CLIP1: variants seen among roughly 807,000 people sequenced by gnomAD.
CLIP1 encodes CAP-Gly domain containing linker protein 1.
A neutral mutation model predicts 161.6 loss-of-function variants in CLIP1; 66 were observed. The ratio of observed to expected loss-of-function variants is 0.41; its 90% CI spans 0.33 to 0.50. CLIP1 has a LOEUF of 0.50. CLIP1 is among the 20% of genes least tolerant of loss of function. The probability of loss-of-function intolerance (pLI) is 0.27; values close to 1 mark genes in which losing one functional copy is unlikely to be tolerated. For missense variants in CLIP1, 1,376 were observed against 1,702.0 expected (o/e 0.81, Z 3.37); for synonymous variants, 598 against 626.2 (o/e 0.96, Z 0.67).
At chr12:122,352,023 C>G (rs1054769269) in intron 8 of CLIP1, among the ~76,000 whole-genome samples, 1 of 149,248 alleles carries the variant, frequency 6.7e-6, no homozygotes, top group Non-Finnish European at 1.5e-5. Context: ...AACTGGAAAG[C>G]AAAGCTGAGA....
intron 6 of CLIP1, 82 bp from the exon 7 acceptor site, chr12:122,354,638 G>A (rs1593143150): frequency 3.7e-6 from 4 of 1,093,986 alleles, no homozygotes; most frequent in Non-Finnish European, 4.2e-6. Context: ...AGAGCTGTGG[G>A]TCACCATGGT....
chr12:122,364,176 C>G, intron 3 of CLIP1, 69 bp from the exon 4 acceptor site: 1 of 1,567,954 alleles, frequency 6.4e-7, no homozygotes, highest in Non-Finnish European at 8.8e-7. Context: ...GTGGTCCCTA[C>G]TAGTAACTAG....
At chr12:122,404,226 C>A (rs1324236718) in intron 1 of CLIP1, among the ~76,000 whole-genome samples, 1 of 152,120 alleles carries the variant, frequency 6.6e-6, no homozygotes, top group African/African-American at 2.4e-5. Context: ...CACTAACAAG[C>A]GAGATTCACT....
At chr12:122,326,532 A>G (rs1380013233) in intron 17 of CLIP1, among the ~76,000 whole-genome samples, 1 of 152,204 alleles carries the variant, frequency 6.6e-6, no homozygotes, top group Non-Finnish European at 1.5e-5. Context: ...ATAAAAAATT[A>G]GCCAGGTGTA....
intron 11 of CLIP1, among the ~76,000 whole-genome samples, chr12:122,339,174 C>T (rs1239219365): frequency 6.6e-6 from 1 of 152,158 alleles, no homozygotes; most frequent in Non-Finnish European, 1.5e-5. Context: ...ATTTCCTAAG[C>T]CTTGACCACA....
intron 1 of CLIP1, among the ~76,000 whole-genome samples, chr12:122,386,084 G>A (rs566765732): frequency 2.0e-5 from 3 of 152,164 alleles, no homozygotes; most frequent in South Asian, 4.1e-4. Flanking sequence ...TCAGGAGTTC[G>A]AGACCAGCCT....
intron 17 of CLIP1, among the ~76,000 whole-genome samples, chr12:122,320,488 T>C (rs975605890): frequency 6.6e-6 from 1 of 151,722 alleles, no homozygotes; most frequent in Admixed American, 6.6e-5. Flanking sequence ...ATGCCTGTAA[T>C]CCTAGCACTT....
intron 15 of CLIP1, among the ~76,000 whole-genome samples, chr12:122,329,659 T>A (rs765188519): frequency 1.5e-5 from 2 of 130,926 alleles, no homozygotes; most frequent in Non-Finnish European, 3.0e-5. Context: ...TTAACTTAAA[T>A]AAATAAATAA....
At chr12:122,336,993 A>T (rs1293498307) in intron 11 of CLIP1, among the ~76,000 whole-genome samples, 5 of 148,470 alleles carry the variant, frequency 3.4e-5, no homozygotes, top group African/African-American at 1.2e-4. Flanking sequence ...TTTCTGACAC[A>T]GGGTCTCCCC....
intron 1 of CLIP1, among the ~76,000 whole-genome samples, chr12:122,385,491 A>G (rs908248789): frequency 6.6e-6 from 1 of 152,160 alleles, no homozygotes; most frequent in Non-Finnish European, 1.5e-5. Context: ...CTCCACCTCT[A>G]TGAATAGCAA....
intron 9 of CLIP1, among the ~76,000 whole-genome samples, chr12:122,349,255 T>A (rs1952902311): frequency 6.6e-6 from 1 of 152,236 alleles, no homozygotes; most frequent in Non-Finnish European, 1.5e-5. Context: ...TTGACACAGT[T>A]AAGTGTCCTC....
At chr12:122,312,729 T>C (rs949962540) in intron 19 of CLIP1, among the ~76,000 whole-genome samples, 1 of 152,142 alleles carries the variant, frequency 6.6e-6, no homozygotes, top group African/African-American at 2.4e-5. Flanking sequence ...GCTGCCACTG[T>C]ACTCTAGCTA....
intron 20 of CLIP1, among the ~76,000 whole-genome samples, chr12:122,301,637 G>A (rs915234576): frequency 1.3e-5 from 2 of 152,202 alleles, no homozygotes; most frequent in African/African-American, 4.8e-5. Flanking sequence ...CTGCAGCACT[G>A]CACTCCAGCC....
Position 122,360,680 on chromosome 12 carries a change from G to C in CLIP1, c.1005+279C>G, listed in dbSNP as rs375705705. 6.0e-5 allele frequency: 19 copies of C among 315,396 alleles called. No homozygotes were observed. The East Asian group carries it at 1.1e-3, about 19-fold the overall frequency. The allele number at this position is 315,396 out of a possible 1,614,324, so 19.5% of individuals were successfully genotyped here. ...AGAAAATAATTTGACCCCTGTGTTA[G>C]ACTAGGCAGTAGTTATACAGATTCA... On this transcript the variant is annotated intron_variant, in intron 5 of 25. Transcript: ENST00000620786.
chr12:122,288,364 A>C, intron 21 of CLIP1, 125 bp downstream of exon 21: 2 of 812,110 alleles, frequency 2.5e-6, no homozygotes, highest in Non-Finnish European at 3.8e-6. Context: ...ACAAGTACCA[A>C]ACTATCACAA....
intron 5 of CLIP1, among the ~76,000 whole-genome samples, chr12:122,357,513 G>C (rs1358599821): frequency 2.6e-5 from 4 of 151,280 alleles, no homozygotes; most frequent in Non-Finnish European, 3.0e-5. Context: ...AGGTGGGGGG[G>C]GTCAGCCCGC....
intron 2 of CLIP1, 129 bp downstream of exon 2, chr12:122,380,239 T>C: frequency 3.5e-6 from 2 of 573,520 alleles, no homozygotes; most frequent in Non-Finnish European, 5.7e-6. Flanking sequence ...TTAGATTCCA[T>C]CTCAAAAAAA....
intron 3 of CLIP1, among the ~76,000 whole-genome samples, chr12:122,370,534 A>G (rs978619518): frequency 2.6e-5 from 4 of 152,156 alleles, no homozygotes; most frequent in Admixed American, 1.3e-4. Flanking sequence ...TCCTTTTATG[A>G]TATCATTTTG....
chr12:122,334,945 A>G (rs1431979375), intron 12 of CLIP1, among the ~76,000 whole-genome samples: 1 of 152,224 alleles, frequency 6.6e-6, no homozygotes, highest in Non-Finnish European at 1.5e-5. Context: ...AGGCAGGTTC[A>G]CCAGCATGCC....
Sources: gnomAD v4.1 joint callset for allele counts (sites outside exome capture counted in the v4.1 genomes callset) on GRCh38, gnomAD v4.1.1 for gene constraint, MANE v1.5 for transcripts, NCBI Gene and HGNC (gene_info 2026-07-23, HGNC 2026-07-21) for gene names.